HK1: variants seen among roughly 807,000 people sequenced by gnomAD.
HK1 encodes hexokinase-1.
A neutral mutation model predicts 91.6 loss-of-function variants in HK1; 28 were observed. The observed-to-expected ratio is 0.31, with a 90% CI of 0.23 to 0.42. HK1 has a LOEUF of 0.42. HK1 is among the 10% of genes least tolerant of loss of function. The pLI is 1.00. For synonymous variants in HK1, 430 were observed against 468.1 expected, an observed-to-expected ratio of 0.92 and a Z score of 1.05; for missense variants, 770 against 1,219.8, an observed-to-expected ratio of 0.63 and a Z score of 5.49.
At chr10:69,310,978 A>C (rs1846343808), upstream of HK1, among the ~76,000 whole-genome samples, 2 of 151,760 alleles carry the variant, frequency 1.3e-5, no homozygotes, top group Admixed American at 1.3e-4. Context: ...AATCACTTGA[A>C]CCTGGGAGGC....
chr10:69,332,426 T>A (rs1847783704), intron 1 of HK1, among the ~76,000 whole-genome samples: 1 of 150,414 alleles, frequency 6.6e-6, no homozygotes, highest in African/African-American at 2.4e-5. Context: ...TCATCCAGGC[T>A]GGAGTGCACT....
chr10:69,397,347 G>C (rs1037157624), intron 16 of HK1, among the ~76,000 whole-genome samples: 20 of 152,190 alleles, frequency 1.3e-4, no homozygotes, highest in African/African-American at 4.6e-4. Flanking sequence ...CCATCCTAAT[G>C]GGTATGAAGT....
chr10:69,338,988 C>T (rs1283091645), intron 1 of HK1, among the ~76,000 whole-genome samples: 1 of 152,154 alleles, frequency 6.6e-6, no homozygotes, highest in Non-Finnish European at 1.5e-5. Flanking sequence ...CCCTTTCTTC[C>T]TCCCTCTCTC....
intron 4 of HK1, among the ~76,000 whole-genome samples, chr10:69,298,096 A>G (rs1316122823): frequency 1.3e-5 from 2 of 151,010 alleles, no homozygotes; most frequent in East Asian, 3.9e-4. Flanking sequence ...CTGTAATCCC[A>G]GCTACTCGGG....
chr10:69,341,001 T>C (rs964368226), intron 1 of HK1, among the ~76,000 whole-genome samples: 1 of 152,064 alleles, frequency 6.6e-6, no homozygotes, highest in African/African-American at 2.4e-5. Flanking sequence ...TTCTCTCCCA[T>C]GCTTGCAACG....
chr10:69,296,766 A>T (rs1387572294), intron 4 of HK1, among the ~76,000 whole-genome samples: 2 of 152,180 alleles, frequency 1.3e-5, no homozygotes, highest in East Asian at 3.9e-4. Context: ...AGGAGGTTGG[A>T]TGGGACTGGG....
chr10:69,297,908 A>G (rs1232752995), intron 4 of HK1, among the ~76,000 whole-genome samples: 5 of 138,460 alleles, frequency 3.6e-5, no homozygotes, highest in Middle Eastern at 4.3e-3. Context: ...AAAAAAAAAA[A>G]GAAAAAAAAG....
intron 1 of HK1, among the ~76,000 whole-genome samples, chr10:69,274,603 A>C (rs1298438158): frequency 6.6e-6 from 1 of 151,300 alleles, no homozygotes; most frequent in Non-Finnish European, 1.5e-5. Context: ...AAAAAAAAAA[A>C]CAGTTTCAAA....
chr10:69,378,339 C>T (rs560849102), intron 8 of HK1, among the ~76,000 whole-genome samples: 188 of 151,618 alleles, frequency 1.2e-3, no homozygotes, highest in African/African-American at 4.2e-3. Flanking sequence ...AAACATCCTA[C>T]AAGAGCAGAT....
At chr10:69,390,476 T>C (rs1839848079) in intron 14 of HK1, among the ~76,000 whole-genome samples, 1 of 152,272 alleles carries the variant, frequency 6.6e-6, no homozygotes, top group African/African-American at 2.4e-5. Context: ...GTTTTGGCTT[T>C]CTTTGCATCT....
intron 10 of HK1, 113 bp from the exon 11 acceptor site, chr10:69,384,220 T>C: frequency 7.9e-7 from 1 of 1,269,102 alleles, no homozygotes; most frequent in African/African-American, 1.5e-5. Flanking sequence ...TTGCAGCTTC[T>C]CCTCTATGTT....
At chr10:69,272,679 C>A (rs1198091224) in intron 1 of HK1, among the ~76,000 whole-genome samples, 1 of 149,096 alleles carries the variant, frequency 6.7e-6, no homozygotes, top group Non-Finnish European at 1.5e-5. Context: ...CCCTTTCTAG[C>A]TGTTTGTAAG....
upstream of HK1, among the ~76,000 whole-genome samples, chr10:69,311,448 G>A (rs967917244): frequency 6.6e-6 from 1 of 152,164 alleles, no homozygotes; most frequent in Non-Finnish European, 1.5e-5. Context: ...GTTGTGTGTG[G>A]GTGCTGGGAG....
chr10:69,324,916 A>C (rs1231743275), intron 1 of HK1, among the ~76,000 whole-genome samples: 4 of 152,068 alleles, frequency 2.6e-5, no homozygotes, highest in Non-Finnish European at 4.4e-5. Context: ...AATAGGTAAA[A>C]ATTTTACAGT....
At chr10:69,391,880 G>A (rs760183042) in intron 14 of HK1, among the ~76,000 whole-genome samples, 6 of 152,146 alleles carry the variant, frequency 3.9e-5, no homozygotes, top group Non-Finnish European at 4.4e-5. Context: ...CTGCCTGGAC[G>A]GGTGAACACA....
intron 13 of HK1, 103 bp downstream of exon 13, chr10:69,386,521 C>T (rs112638088): frequency 9.1e-5 from 80 of 877,354 alleles, no homozygotes; most frequent in African/African-American, 8.8e-4. Context: ...TGGTGGCTCA[C>T]GCCTGTAATC....
chr10:69,389,336 G>A, intron 14 of HK1, 40 bp downstream of exon 14: 14 of 1,458,680 alleles, frequency 9.6e-6, no homozygotes, highest in Non-Finnish European at 1.2e-5. Flanking sequence ...CAGAAGGGAA[G>A]GCTGGGGTTT....
At chr10:69,288,171 T>C (rs1365344382) in intron 2 of HK1, among the ~76,000 whole-genome samples, 1 of 152,100 alleles carries the variant, frequency 6.6e-6, no homozygotes, top group Non-Finnish European at 1.5e-5. Context: ...TGGAGATGTC[T>C]TTGCTAATTT....
At chr10:69,297,040 C>T (rs2132483783) in intron 4 of HK1, among the ~76,000 whole-genome samples, 1 of 152,254 alleles carries the variant, frequency 6.6e-6, no homozygotes, top group South Asian at 2.1e-4. Flanking sequence ...TGGACACTGA[C>T]CACCCCCACA....
Sources: gnomAD v4.1 joint callset for allele counts (sites outside exome capture counted in the v4.1 genomes callset) on GRCh38, gnomAD v4.1.1 for gene constraint, MANE v1.5 for transcripts, NCBI Gene and HGNC (gene_info 2026-07-23, HGNC 2026-07-21) for gene names.